ARHGEF10: variants seen among roughly 807,000 people sequenced by gnomAD.
ARHGEF10 encodes the protein Rho guanine nucleotide exchange factor (GEF) 10.
In ARHGEF10, 140 loss-of-function variants were observed where a neutral mutation model predicts 147.4. The observed-to-expected ratio is 0.95, with a 90% CI of 0.83 to 1.09. The LOEUF is 1.09. Ranked by LOEUF, ARHGEF10 falls within the 50% of genes least tolerant of loss-of-function variation. The pLI is 0.00. For missense variants in ARHGEF10, 2,222 were observed against 1,752.7 expected, an observed-to-expected ratio of 1.27 and a Z score of -4.78; for synonymous variants, 902 against 695.8, an observed-to-expected ratio of 1.30 and a Z score of -4.67.
intron 18 of ARHGEF10, among the ~76,000 whole-genome samples, chr8:1,915,354 G>T (rs117914099): frequency 6.6e-6 from 1 of 152,202 alleles, no homozygotes; most frequent in South Asian, 2.1e-4. Flanking sequence ...GTGTCCATGA[G>T]TTATTCTACT....
chr8:1,887,206 A>C (rs1252846850), intron 11 of ARHGEF10, among the ~76,000 whole-genome samples: 2 of 152,186 alleles, frequency 1.3e-5, no homozygotes, highest in African/African-American at 4.8e-5. Context: ...GAAGCCGAAA[A>C]CCAAAAATAG....
rs1367172915 is a variant in ARHGEF10, at chr8:1,956,685, T to C, written c.3521-64T>C. 1.2e-5 allele frequency: 19 copies of C among 1,602,554 alleles called. No homozygotes were observed. The South Asian group carries it at 1.8e-4, about 15-fold the overall frequency. On this transcript the variant is annotated intron_variant, in intron 28 of 28. Transcript: ENST00000349830. The stretch of plus-strand genomic sequence containing the variant: ...GCGTTGGGGTTAAGCCCTGCACTTT[T>C]TGCTTCCTTGTCTCAAATTTTGCCT...
At chr8:1,913,672 GC>G (rs2129190921) in intron 18 of ARHGEF10, among the ~76,000 whole-genome samples, 1 of 152,328 alleles carries the variant, frequency 6.6e-6, no homozygotes, top group African/African-American at 2.4e-5. Flanking sequence ...CTTCCAGAAG[GC>G]CGCTGCCTCC....
rs756700438 is a variant in ARHGEF10 at position 1,869,265 on chromosome 8, G to C, written c.679+15G>C. 2.5e-6 allele frequency: 4 copies of C among 1,612,186 alleles called. No individual in the cohort carries two copies. The highest frequency in any genetic ancestry group is 2.2e-5 in the South Asian group (2 of 91,044). On this transcript the variant is annotated intron_variant, in intron 7 of 28. Coordinates refer to ENST00000349830, the MANE Select transcript of ARHGEF10 (RefSeq NM_014629.4). ...CTCTGAACCAGGTTTGATTTTGTCT[G>C]GAATTGATTTGAGGAGATTCAGCTC...
chr8:1,869,590 C>G (rs13272734), intron 7 of ARHGEF10: 89,472 of 427,486 alleles, frequency 0.21, 10,489 homozygotes, highest in East Asian at 0.34. Flanking sequence ...TAGAGAGAAT[C>G]AGGCAAAGGT....
At chr8:1,911,977 C>A (rs1021021495) in intron 18 of ARHGEF10, among the ~76,000 whole-genome samples, 2 of 152,170 alleles carry the variant, frequency 1.3e-5, no homozygotes, top group Non-Finnish European at 2.9e-5. Context: ...CATTCTCAGT[C>A]GATAGTCATA....
intron 5 of ARHGEF10, among the ~76,000 whole-genome samples, chr8:1,865,041 CT>C (rs1230275160): frequency 1.3e-5 from 2 of 152,240 alleles, no homozygotes; most frequent in Non-Finnish European, 2.9e-5. Flanking sequence ...CTTAAATGAT[CT>C]TCAAAAGGAT....
intron 28 of ARHGEF10, among the ~76,000 whole-genome samples, 190 bp from the exon 29 acceptor site, chr8:1,956,559 A>G (rs1384267639): frequency 6.6e-6 from 1 of 152,212 alleles, no homozygotes; most frequent in Non-Finnish European, 1.5e-5. Context: ...TTTTCACATT[A>G]AGTAAAAACC....
intron 28 of ARHGEF10, among the ~76,000 whole-genome samples, chr8:1,953,605 A>C (rs1235478427): frequency 1.4e-5 from 2 of 145,482 alleles, no homozygotes; most frequent in African/African-American, 2.6e-5. Context: ...AGTATGATGC[A>C]AGAAGACATT....
chr8:1,900,779 G>T (rs1240650482), intron 15 of ARHGEF10, among the ~76,000 whole-genome samples: 5 of 152,294 alleles, frequency 3.3e-5, no homozygotes, highest in African/African-American at 9.6e-5. Context: ...GATTCAGTGT[G>T]CTCTTCCAGA....
intron 18 of ARHGEF10, among the ~76,000 whole-genome samples, chr8:1,920,927 A>G (rs950373831): frequency 5.3e-5 from 8 of 152,136 alleles, no homozygotes; most frequent in Non-Finnish European, 5.9e-5. Flanking sequence ...AGGTGGGATT[A>G]CAGCATGCAC....
chr8:1,855,446 A>G (rs116858786), intron 2 of ARHGEF10, among the ~76,000 whole-genome samples: 2,943 of 152,168 alleles, frequency 0.019, 91 homozygotes, highest in East Asian at 0.096. Flanking sequence ...CGGTGGCGCA[A>G]TCTCAGCTCA....
intron 2 of ARHGEF10, among the ~76,000 whole-genome samples, chr8:1,844,465 T>TCACCG (rs1329433075): frequency 1.5e-4 from 23 of 151,438 alleles, no homozygotes; most frequent in South Asian, 4.2e-4. Flanking sequence ...AATCCAGGGG[T>TCACCG]GAGCAGTGGC....
At chr8:1,864,573 C>T in intron 5 of ARHGEF10, 137 bp downstream of exon 5, 1 of 827,812 alleles carries the variant, frequency 1.2e-6, no homozygotes, top group Non-Finnish European at 2.1e-6. Context: ...CCACCTCCTG[C>T]CTCGGGTCCC....
chr8:1,944,150 C>T (rs1248361697), intron 26 of ARHGEF10, among the ~76,000 whole-genome samples: 6 of 130,142 alleles, frequency 4.6e-5, no homozygotes, highest in South Asian at 2.5e-4. Flanking sequence ...CGCATCGTGT[C>T]GCCTCCCTCG....
At chr8:1,885,025 A>C (rs539477376) in intron 10 of ARHGEF10, among the ~76,000 whole-genome samples, 1 of 152,302 alleles carries the variant, frequency 6.6e-6, no homozygotes, top group Admixed American at 6.5e-5. Context: ...TCGGTCTCCC[A>C]AAGTGCTGGG....
In ARHGEF10 at chr8:1,880,054, C is replaced by T. The variant is rs781555378; in HGVS notation, c.850C>T (p.His284Tyr). The change falls in exon 9 of 29, where the codon CAT becomes TAT. Residue 284 changes from histidine to tyrosine, a missense_variant. Coordinates refer to ENST00000349830, the MANE Select transcript of ARHGEF10 (RefSeq NM_014629.4). ...GTGTCTCTTTATGCTGTAGCTTTCT[C>T]ATGACCTAACCCGTTTAAAGGAGCA... ...LRSNHKKQLS[H>Y]DLTRLKEHYE... 8.7e-6 allele frequency: 14 copies of T among 1,611,108 alleles called. No individual in the cohort carries two copies. The highest frequency in any genetic ancestry group is 3.3e-5 in the Admixed American group (2 of 59,990).
At chr8:1,849,821 C>A (rs1450014807) in intron 2 of ARHGEF10, among the ~76,000 whole-genome samples, 7 of 83,988 alleles carry the variant, frequency 8.3e-5, no homozygotes, top group South Asian at 4.3e-4. Context: ...GGACACAGGG[C>A]AAATGCTGAG....
intron 1 of ARHGEF10, among the ~76,000 whole-genome samples, chr8:1,839,673 G>A (rs1245897883): frequency 1.0e-5 from 1 of 95,432 alleles, no homozygotes; most frequent in Non-Finnish European, 2.1e-5. Flanking sequence ...TGTCTGGTGT[G>A]GAAACTGGTG....
Sources: allele counts gnomAD v4.1 joint callset (sites outside exome capture counted in the v4.1 genomes callset), GRCh38; gene constraint gnomAD v4.1.1; transcripts MANE v1.5; gene names NCBI Gene and HGNC (gene_info 2026-07-23, HGNC 2026-07-21).